The following LMLN variants were observed in gnomAD, a reference collection of about 807,000 sequenced individuals.
LMLN encodes the protein leishmanolysin like peptidase, also known as leishmanolysin-like peptidase.
In LMLN, 70 loss-of-function variants were observed where a neutral mutation model predicts 92.3. The ratio of observed to expected loss-of-function variants is 0.76; its 90% confidence interval spans 0.63 to 0.92. The LOEUF (loss-of-function observed/expected upper bound fraction) is 0.92, where lower values mean the gene tolerates loss of function less well. Ranked by LOEUF, LMLN falls within the 40% of genes least tolerant of loss-of-function variation. LMLN has a pLI of 0.00. For synonymous variants in LMLN, 308 were observed against 296.2 expected (o/e 1.04, Z -0.41); for missense variants, 691 against 814.6 (o/e 0.85, Z 1.85).
exon 16 of LMLN, chr3:198,043,166 C>G (rs1723458133): frequency 1.3e-5 from 2 of 152,188 alleles, no homozygotes; most frequent in Admixed American, 1.3e-4. Context: ...CTGACTGAGG[C>G]CATCTGTGAA....
intron 10 of LMLN, among the ~76,000 whole-genome samples, chr3:197,998,010 A>G (rs1722074902): frequency 6.6e-6 from 1 of 152,258 alleles, no homozygotes; most frequent in South Asian, 2.1e-4. Flanking sequence ...AGCCATGTTG[A>G]GAAAAGATTC....
intron 14 of LMLN, among the ~76,000 whole-genome samples, chr3:198,028,327 C>A (rs1352579510): frequency 6.6e-6 from 1 of 152,228 alleles, no homozygotes; most frequent in African/African-American, 2.4e-5. Context: ...GTTCTACATT[C>A]TGTGGGCTTT....
intron 10 of LMLN, among the ~76,000 whole-genome samples, chr3:197,998,686 A>G (rs1488551645): frequency 6.6e-6 from 1 of 152,228 alleles, no homozygotes; most frequent in East Asian, 1.9e-4. Context: ...GAGGCAGTGA[A>G]GTCCTCATCA....
exon 16 of LMLN, chr3:198,041,714 T>TA (rs1324165199): frequency 2.0e-5 from 3 of 152,176 alleles, no homozygotes; most frequent in Non-Finnish European, 4.4e-5. Flanking sequence ...TAAAGAAACT[T>TA]ACAATAATCT....
At chr3:197,987,772 A>G (rs1305507165) in intron 8 of LMLN, among the ~76,000 whole-genome samples, 3 of 152,220 alleles carry the variant, frequency 2.0e-5, no homozygotes, top group Non-Finnish European at 2.9e-5. Context: ...TTTAAAAGGT[A>G]TAGCAAAGCA....
intron 1 of LMLN, among the ~76,000 whole-genome samples, chr3:197,964,828 C>T (rs930525298): frequency 4.0e-5 from 6 of 151,838 alleles, no homozygotes; most frequent in African/African-American, 9.6e-5. Context: ...GCCAACATGG[C>T]GAGACCTGTC....
chr3:198,037,010 C>T (rs918474653), intron 15 of LMLN, among the ~76,000 whole-genome samples: 19 of 152,226 alleles, frequency 1.2e-4, no homozygotes, highest in African/African-American at 4.6e-4. Flanking sequence ...CCTTCTTTTC[C>T]AAATCCTGAG....
chr3:198,030,796 C>T (rs932445186), intron 14 of LMLN, among the ~76,000 whole-genome samples: 12 of 152,170 alleles, frequency 7.9e-5, no homozygotes, highest in African/African-American at 1.9e-4. Flanking sequence ...GAGTATGTGA[C>T]GGAGAACAAT....
intron 11 of LMLN, among the ~76,000 whole-genome samples, chr3:198,015,424 C>T (rs1446807161): frequency 1.6e-5 from 2 of 123,402 alleles, no homozygotes; most frequent in Non-Finnish European, 3.4e-5. Flanking sequence ...GACTTCTCTC[C>T]ACCCTTCAGA....
intron 7 of LMLN, 124 bp from the exon 8 acceptor site, chr3:197,985,672 T>C: frequency 1.8e-6 from 1 of 542,376 alleles, no homozygotes; most frequent in Non-Finnish European, 3.3e-6. Flanking sequence ...TAGGAGAAGT[T>C]CCTACAGAAG....
At chr3:198,038,720 A>G (rs1269680257) in exon 16 of LMLN, 2 of 1,409,456 alleles carry the variant, frequency 1.4e-6, no homozygotes, top group Non-Finnish European at 1.0e-6. Context: ...TCTTGTGAAC[A>G]AAGCACAAAG....
chr3:198,011,741 C>CA (rs1464354935), intron 11 of LMLN, among the ~76,000 whole-genome samples: 1 of 151,856 alleles, frequency 6.6e-6, no homozygotes, highest in Non-Finnish European at 1.5e-5. Flanking sequence ...GTCCCACCAA[C>CA]AATGTAAAAG....
intron 11 of LMLN, among the ~76,000 whole-genome samples, chr3:198,012,921 C>T: frequency 8.2e-6 from 1 of 121,512 alleles, no homozygotes; most frequent in Non-Finnish European, 1.6e-5. Context: ...CTTCAGAGTC[C>T]CCTAACTAGT....
At chr3:197,980,762 C>G (rs975336213) in intron 6 of LMLN, 1 of 345,264 alleles carries the variant, frequency 2.9e-6, no homozygotes, top group Admixed American at 4.4e-5. Context: ...CCTGCCGTTC[C>G]TCTTCCATTT....
intron 11 of LMLN, among the ~76,000 whole-genome samples, chr3:198,013,314 C>T (rs1318566650): frequency 2.6e-5 from 2 of 76,224 alleles, no homozygotes; most frequent in African/African-American, 1.5e-4. Flanking sequence ...GACTTCTCTC[C>T]ACCCTTCAGA....
chr3:198,036,452 G>A lies in LMLN; in HGVS notation c.1867+409G>A, dbSNP rs375144363. Reference sequence around the variant, plus strand: ...GAGGGAAAGACCTGGAAAAGATACCGAAAAAAGGAATTGGCATACCCACAA... The same window carrying A: ...GAGGGAAAGACCTGGAAAAGATACCAAAAAAAGGAATTGGCATACCCACAA... On this transcript the variant is annotated intron_variant, in intron 15 of 15. Coordinates refer to ENST00000330198, the Ensembl canonical transcript of LMLN. Among the ~76,000 whole-genome samples, 848 of 152,002 alleles carry A rather than the reference G, an allele frequency of 5.6e-3. 7 individuals are homozygous for A. Among genetic ancestry groups the A allele is most frequent in the African/African-American group, 0.019 (785 of 41,438 alleles).
intron 10 of LMLN, among the ~76,000 whole-genome samples, chr3:197,997,165 A>G (rs755045888): frequency 1.3e-4 from 19 of 143,926 alleles, no homozygotes; most frequent in Non-Finnish European, 2.4e-4. Flanking sequence ...GTCTCACTCC[A>G]CTTGGTCAGG....
At chr3:198,014,348 T>G (rs1202003328) in intron 11 of LMLN, among the ~76,000 whole-genome samples, 18 of 97,130 alleles carry the variant, frequency 1.9e-4, no homozygotes, top group African/African-American at 8.1e-4. Context: ...CTGACTTCTC[T>G]CCACCCATCA....
chr3:197,996,615 C>T (rs889591994), intron 10 of LMLN: 3 of 160,328 alleles, frequency 1.9e-5, no homozygotes, highest in African/African-American at 7.2e-5. Context: ...TTTTTCTTCA[C>T]AATTGGACAC....
Sources: gnomAD v4.1 joint callset for allele counts (sites outside exome capture counted in the v4.1 genomes callset) on GRCh38, gnomAD v4.1.1 for gene constraint, MANE v1.5 for transcripts, NCBI Gene and HGNC (gene_info 2026-07-23, HGNC 2026-07-21) for gene names.